The following TMEM108 variants were observed in gnomAD, a reference collection of about 807,000 sequenced individuals.
The protein encoded by TMEM108 is transmembrane protein 108, also known as cancer/testis antigen 124.
Under a neutral mutation model 35.1 loss-of-function variants are expected in TMEM108, and 12 were observed. That is an observed-to-expected ratio of 0.34 (90% CI 0.22 to 0.55). The LOEUF (loss-of-function observed/expected upper bound fraction) is 0.55. TMEM108 is among the 20% of genes least tolerant of loss of function. TMEM108 has a pLI of 0.89. For missense variants in TMEM108, 680 were observed against 753.3 expected (o/e 0.90, Z 1.14); for synonymous variants, 287 against 308.6 (o/e 0.93, Z 0.73).
intron 3 of TMEM108, among the ~76,000 whole-genome samples, chr3:133,241,386 G>A (rs1946310379): frequency 6.6e-6 from 1 of 151,952 alleles, no homozygotes. Context: ...TCATCTCTTT[G>A]CTCCTCCCCT....
intron 3 of TMEM108, among the ~76,000 whole-genome samples, chr3:133,274,540 T>C (rs1946813457): frequency 6.6e-6 from 1 of 152,214 alleles, no homozygotes; most frequent in Non-Finnish European, 1.5e-5. Flanking sequence ...CCAAAGTAGC[T>C]GGTGACTTTG....
At position 133,379,999 on chromosome 3, in the gene TMEM108, C is replaced by T; in HGVS notation, c.288C>T (p.Thr96=). ...CAGAGGGGCACCCTCCTACGCACAC[C>T]ATCTCCACCATCGCTGCGACAGTAA... ...PRAEGHPPTH[T]ISTIAATVTA... The change falls in exon 4 of 6, where the codon ACC becomes ACT. Residue 96 remains threonine, a synonymous_variant. Coordinates refer to ENST00000321871, the MANE Select transcript of TMEM108 (RefSeq NM_023943.4). 3.1e-6 allele frequency: 5 copies of T among 1,613,992 alleles called. No homozygotes were observed. Among genetic ancestry groups the T allele is most frequent in the Non-Finnish European group, 4.2e-6 (5 of 1,179,978 alleles).
intron 2 of TMEM108, among the ~76,000 whole-genome samples, chr3:133,210,915 T>G (rs2107838958): frequency 6.6e-6 from 1 of 152,262 alleles, no homozygotes; most frequent in East Asian, 1.9e-4. Context: ...AAATGATGTA[T>G]TTTGAAAGAT....
intron 3 of TMEM108, among the ~76,000 whole-genome samples, chr3:133,237,029 G>A (rs149278080): frequency 1.3e-5 from 2 of 152,054 alleles, no homozygotes; most frequent in East Asian, 1.9e-4. Context: ...AAGTGATTTG[G>A]TATTGTTTTA....
rs144992463 is a variant in TMEM108 at position 133,332,752 on chromosome 3, C to CT, written c.41-46997dup. Among the ~76,000 whole-genome samples, 420 of 152,294 alleles carry CT rather than the reference C, an allele frequency of 2.8e-3. 3 individuals carry two copies. The highest frequency in any genetic ancestry group is 9.6e-3 in the African/African-American group (400 of 41,558). ...AGCTCGATTCAGTCTTCTTCCTATC[C>CT]TTTAAGTTGATCATTCACACTGCAT... On this transcript the variant is annotated intron_variant, in intron 3 of 5. Transcript: ENST00000321871.
Position 133,242,147 on chromosome 3 carries a change from G to A in TMEM108, c.40+12796G>A, listed in dbSNP as rs113570159. Among the ~76,000 whole-genome samples the A allele has an allele frequency of 9.9e-3, 1,512 of 152,234 alleles. 24 individuals are homozygous for A. Among genetic ancestry groups the A allele is most frequent in the African/African-American group, 0.034 (1,400 of 41,526 alleles). ...GGCACACTTGGATAATCTATCATAA[G>A]CTCATCCCAAGATGCTTAATTATAT... On this transcript the variant is annotated intron_variant, in intron 3 of 5. Transcript: ENST00000321871.
At chr3:133,251,205 A>G (rs1375162740) in intron 3 of TMEM108, among the ~76,000 whole-genome samples, 1 of 152,198 alleles carries the variant, frequency 6.6e-6, no homozygotes, top group Non-Finnish European at 1.5e-5. Flanking sequence ...TTATATGTGC[A>G]AGTATTATAT....
chr3:133,219,261 C>T (rs1945953326), intron 2 of TMEM108, among the ~76,000 whole-genome samples: 1 of 151,920 alleles, frequency 6.6e-6, no homozygotes, highest in Non-Finnish European at 1.5e-5. Context: ...TGAGTATTCT[C>T]TTTTCTTAGT....
At chr3:133,326,174 G>A (rs886195456) in intron 3 of TMEM108, among the ~76,000 whole-genome samples, 4 of 152,160 alleles carry the variant, frequency 2.6e-5, no homozygotes, top group East Asian at 3.8e-4. Context: ...TGCCACTTCC[G>A]TAAGTGCTGT....
chr3:133,264,003 A>G (rs1274062082), intron 3 of TMEM108, among the ~76,000 whole-genome samples: 1 of 152,168 alleles, frequency 6.6e-6, no homozygotes, highest in Non-Finnish European at 1.5e-5. Flanking sequence ...TAGATATTCT[A>G]CTTTCAAGAA....
At chr3:133,101,370 C>G (rs1206662727) in intron 2 of TMEM108, among the ~76,000 whole-genome samples, 1 of 152,372 alleles carries the variant, frequency 6.6e-6, no homozygotes, top group South Asian at 2.1e-4. Context: ...TCAACAGCCT[C>G]TAGCCTTGAC....
intron 2 of TMEM108, among the ~76,000 whole-genome samples, chr3:133,129,340 G>T (rs866678926): frequency 9.3e-4 from 122 of 130,702 alleles, no homozygotes; most frequent in African/African-American, 3.4e-3. Context: ...GCAAGACTCC[G>T]CACCCACACC....
Position 133,279,034 on chromosome 3 carries a change from G to A in TMEM108, c.40+49683G>A, listed in dbSNP as rs542949100. On this transcript the variant is annotated intron_variant, in intron 3 of 5. Coordinates refer to ENST00000321871, the MANE Select transcript of TMEM108 (RefSeq NM_023943.4). ...TGGCGCCTTTAAAGAGGCCTAAGGGGGCTTACTTAAAACCAGGCCCTTCAA... is the reference window on the plus strand; with the variant it reads ...TGGCGCCTTTAAAGAGGCCTAAGGGAGCTTACTTAAAACCAGGCCCTTCAA... Among the ~76,000 whole-genome samples the A allele has an allele frequency of 8.5e-4, 130 of 152,212 alleles. 1 individual carries two copies. Among genetic ancestry groups the A allele is most frequent in the Non-Finnish European group, 1.6e-3 (112 of 68,012 alleles).
chr3:133,162,348 A>G (rs1006657745), intron 2 of TMEM108, among the ~76,000 whole-genome samples: 1 of 151,806 alleles, frequency 6.6e-6, no homozygotes, highest in Non-Finnish European at 1.5e-5. Flanking sequence ...TAGGTTAGAA[A>G]CTGGACCTAA....
At chr3:133,152,979 T>C (rs1944823719) in intron 2 of TMEM108, among the ~76,000 whole-genome samples, 1 of 152,132 alleles carries the variant, frequency 6.6e-6, no homozygotes. Flanking sequence ...TGTTTCATTT[T>C]GTACTCAGGC....
intron 2 of TMEM108, among the ~76,000 whole-genome samples, chr3:133,182,756 C>T (rs889155955): frequency 1.3e-5 from 2 of 152,172 alleles, no homozygotes; most frequent in East Asian, 1.9e-4. Flanking sequence ...GAAGATACCT[C>T]TTGTGTAATA....
At chr3:133,286,486 A>G (rs1220424701) in intron 3 of TMEM108, among the ~76,000 whole-genome samples, 1 of 152,178 alleles carries the variant, frequency 6.6e-6, no homozygotes, top group East Asian at 1.9e-4. Flanking sequence ...GGCACATGCC[A>G]TCACACTCAG....
At chr3:133,061,243 A>C (rs1349011484) in intron 2 of TMEM108, among the ~76,000 whole-genome samples, 1 of 131,692 alleles carries the variant, frequency 7.6e-6, no homozygotes, top group Non-Finnish European at 1.6e-5. Context: ...ACAGAGTCTC[A>C]CTCTGTCGCC....
intron 3 of TMEM108, among the ~76,000 whole-genome samples, chr3:133,286,676 T>C (rs372473849): frequency 6.6e-6 from 1 of 152,228 alleles, no homozygotes; most frequent in East Asian, 1.9e-4. Context: ...TTCTCAAATG[T>C]GATTTACATG....
Sources: allele counts gnomAD v4.1 joint callset (sites outside exome capture counted in the v4.1 genomes callset), GRCh38; gene constraint gnomAD v4.1.1; transcripts MANE v1.5; gene names NCBI Gene and HGNC (gene_info 2026-07-23, HGNC 2026-07-21).